The following PATZ1 variants were observed in gnomAD, a reference collection of about 807,000 sequenced individuals.
PATZ1 encodes POZ/BTB and AT hook containing zinc finger 1, also known as POZ-, AT hook-, and zinc finger-containing protein 1.
In PATZ1, 9 loss-of-function variants were observed where a neutral mutation model predicts 46.2. That is an observed-to-expected ratio of 0.19 (90% CI 0.12 to 0.34). PATZ1 has a LOEUF of 0.34. Ranked by LOEUF, PATZ1 falls within the 10% of genes least tolerant of loss-of-function variation. PATZ1 has a pLI of 1.00. For missense variants in PATZ1, 632 were observed against 923.0 expected (o/e 0.68, Z 4.08); for synonymous variants, 426 against 378.6 (o/e 1.13, Z -1.45).
rs1464629498 is a variant in PATZ1, at chr22:31,328,701, G to A, written c.1645+86C>T. The A allele has an allele frequency of 3.9e-6, 5 of 1,284,376 alleles. No individual in the cohort carries two copies. The highest frequency in any genetic ancestry group is 5.6e-6 in the Non-Finnish European group (5 of 887,598). 79.6% of individuals were successfully genotyped at this position (1,284,376 alleles called of 1,614,324 possible). A position where few individuals can be genotyped will look rare whatever the true frequency, so the allele number is the denominator to read the frequency against. ...CCTCAAGGCAGCCAGAAAGCCGGCA[G>A]CCTTCCCGCCTCCCCACGCCCAGCC... On this transcript the variant is annotated intron_variant, in intron 4 of 4. Transcript: ENST00000266269. The surrounding 1 kb of genome is among the most constrained non-coding windows in gnomAD (Gnocchi z 4.8).
At chr22:31,334,546 CA>C (rs1258086134) in intron 3 of PATZ1, among the ~76,000 whole-genome samples, 1 of 152,166 alleles carries the variant, frequency 6.6e-6, no homozygotes. Flanking sequence ...GTGCCTGGTC[CA>C]ACCCAGAGTG....
intron 2 of PATZ1, among the ~76,000 whole-genome samples, chr22:31,336,415 A>G (rs1046067083): frequency 1.3e-5 from 2 of 152,168 alleles, no homozygotes; most frequent in African/African-American, 4.8e-5. Context: ...TATTCGTAAT[A>G]TTTTCACGAG....
At chr22:31,341,805 C>A in intron 2 of PATZ1, 1 of 803,144 alleles carries the variant, frequency 1.2e-6, no homozygotes, top group East Asian at 2.6e-5. Context: ...AGAATGTGCT[C>A]TGTGATGAGA....
At chr22:31,335,066 C>T (rs1287210143) in intron 3 of PATZ1, among the ~76,000 whole-genome samples, 1 of 152,192 alleles carries the variant, frequency 6.6e-6, no homozygotes, top group Admixed American at 6.5e-5. Context: ...CTTGACTTCA[C>T]CCAACACAAC....
At chr22:31,342,445 G>A (rs1334417730) in intron 2 of PATZ1, among the ~76,000 whole-genome samples, 1 of 152,122 alleles carries the variant, frequency 6.6e-6, no homozygotes, top group East Asian at 1.9e-4. Context: ...CCCAGGAGGA[G>A]CTCTAACTGA....
Position 31,327,054 on chromosome 22 carries a change from C to A in PATZ1, c.1901G>T (p.Gly634Val), listed in dbSNP as rs746577638. 6.2e-6 allele frequency: 10 copies of A among 1,614,128 alleles called. No homozygotes were observed. The highest frequency in any genetic ancestry group is 3.3e-5 in the South Asian group (3 of 91,086). The part of the protein sequence containing the change: ...IQKVHVRALG[G>V]PLGDLGPALG... ...GGCAGGGCCCAGGTCCCCCAGGGGG[C>A]CCCCGAGAGCCCGGACATGCACCTT... Residue 634 changes from glycine (G) to valine (V), a missense_variant, in exon 5 of 5, where the codon GGC (glycine) becomes GTC (valine). By Grantham distance (109) the Gly-to-Val change is moderately radical. This residue lies in a region of PATZ1 where 176 missense variants were observed against 249.4 expected (regional missense o/e 0.71). Transcript: ENST00000266269. The surrounding 1 kb of genome is among the most constrained non-coding windows in gnomAD (Gnocchi z 4.2).
In PATZ1 at chr22:31,345,372, G is replaced by A. The variant is rs200831202; in HGVS notation, c.231C>T (p.Gly77=). Residue 77 remains glycine (G), a synonymous_variant, in exon 1 of 5, where the codon GGC becomes GGT. Coordinates refer to ENST00000266269, the MANE Select transcript of PATZ1 (RefSeq NM_014323.3). The surrounding 1 kb of genome is among the most constrained non-coding windows in gnomAD (Gnocchi z 7.4). ...CAGCCGGACCCCCGTCCGCAGCTCC[G>A]CCGTCGCCCAACTGGGCGCTGAACA... The part of the protein sequence containing the change: ...ESVFSAQLGD[G]GAADGGPADV... 8.3e-5 allele frequency: 133 copies of A among 1,606,928 alleles called. No individual in the cohort carries two copies. In the African/African-American group the frequency reaches 1.6e-3, roughly 20 times the overall value.
intron 3 of PATZ1, among the ~76,000 whole-genome samples, chr22:31,329,374 C>G (rs953970165): frequency 6.6e-6 from 1 of 152,152 alleles, no homozygotes; most frequent in African/African-American, 2.4e-5. Context: ...GCTTAATCCT[C>G]GTAAAAGGAA....
chr22:31,336,760 C>T lies in PATZ1; in HGVS notation c.1336-897G>A, dbSNP rs1569026112. ...GGTAGAGGTTGCAGTGAGCCAAGAT[C>T]GTGTCACTGCACTCCAGCCTGGGCA... On this transcript the variant is annotated intron_variant, in intron 2 of 4. Transcript: ENST00000266269. Among the ~76,000 whole-genome samples, 4 of 138,468 alleles carry T rather than the reference C, an allele frequency of 2.9e-5. No homozygotes were observed. The South Asian group carries it at 9.3e-4, about 32-fold the overall frequency. 90.8% of individuals were successfully genotyped at this position (138,468 alleles called of 152,430 possible). A position where few individuals can be genotyped will look rare whatever the true frequency, so the allele number is the denominator to read the frequency against.
Position 31,345,889 on chromosome 22 carries a change from G to C in PATZ1, c.-287C>G, listed in dbSNP as rs1050816456. 10 of 366,052 alleles carry C rather than the reference G, an allele frequency of 2.7e-5. No homozygotes were observed. The highest frequency in any genetic ancestry group is 2.0e-4 in the East Asian group (5 of 24,664). The allele number at this position is 366,052 out of a possible 1,614,324, so 22.7% of individuals were successfully genotyped here. ...CCTCCCCTTCCCGGTCTACCTTCCG[G>C]GGGGGTGCGCGAGCGAAGAGGTGCG... On this transcript the variant is annotated 5_prime_UTR_variant, in exon 1 of 5. Transcript: ENST00000266269. The surrounding 1 kb of genome is among the most constrained non-coding windows in gnomAD (Gnocchi z 7.4).
chr22:31,339,443 C>T (rs1407436802), intron 2 of PATZ1, among the ~76,000 whole-genome samples: 2 of 152,170 alleles, frequency 1.3e-5, no homozygotes, highest in East Asian at 3.9e-4. Flanking sequence ...GTTCAGACAA[C>T]ACAGAACATG....
intron 2 of PATZ1, among the ~76,000 whole-genome samples, chr22:31,340,087 C>T (rs754484872): frequency 6.6e-6 from 1 of 152,176 alleles, no homozygotes; most frequent in Admixed American, 6.5e-5. Flanking sequence ...CTGAGCTGCT[C>T]CAGCCTCTCA....
chr22:31,345,331 G>T lies in PATZ1; in HGVS notation c.272C>A (p.Thr91Lys), dbSNP rs746295130. Residue 91 changes from threonine to lysine, a missense_variant, in exon 1 of 5, where the codon ACG becomes AAG. Physicochemically the swap from Thr to Lys is moderately conservative, Grantham distance 78. Around this residue, in one of 7 missense-constraint regions of PATZ1, gnomAD observed 62 missense variants for 67.9 expected, o/e 0.91. Coordinates refer to ENST00000266269, the MANE Select transcript of PATZ1 (RefSeq NM_014323.3). This position sits in a 1 kb window ranked among gnomAD's most constrained non-coding sequence, Gnocchi z 7.4. ...CCCGGCCCCGCCGCCTGGTGCTGCC[G>T]TCGCGCCCCCTACATCAGCCGGACC... ...DGGPADVGGA[T>K]AAPGGGAGGS... 1 of 1,609,574 alleles carries T rather than the reference G, an allele frequency of 6.2e-7. No homozygotes were observed. The highest frequency in any genetic ancestry group is 1.7e-5 in the Admixed American group (1 of 59,764).
In PATZ1 at chr22:31,346,010, A is replaced by AG. The variant is rs1160483404; in HGVS notation, c.-409dup. On this transcript the variant is annotated 5_prime_UTR_variant, in exon 1 of 5. Transcript: ENST00000266269. ...GCACGCGCACGCGGGGAGGAGAAGGAGGGGTCCGCCGCGCAGGCGCGCGCG... is the reference window on the plus strand; with the variant it reads ...GCACGCGCACGCGGGGAGGAGAAGGAGGGGGTCCGCCGCGCAGGCGCGCGCG... The AG allele has an allele frequency of 2.7e-5, 5 of 186,512 alleles. No individual in the cohort carries two copies. Among genetic ancestry groups the AG allele is most frequent in the African/African-American group, 9.4e-5 (4 of 42,370 alleles). The allele number at this position is 186,512 out of a possible 1,614,324, so 11.6% of individuals were successfully genotyped here.
intron 3 of PATZ1, among the ~76,000 whole-genome samples, chr22:31,331,552 A>G (rs991321100): frequency 4.6e-5 from 7 of 152,064 alleles, no homozygotes; most frequent in Non-Finnish European, 8.8e-5. Flanking sequence ...CATGTTAGCC[A>G]GGATGGTCTC....
chr22:31,343,485 G>T, intron 1 of PATZ1: 2 of 977,068 alleles, frequency 2.0e-6, no homozygotes, highest in Non-Finnish European at 2.4e-6. Context: ...GCCTGAGCAG[G>T]TGGGCAGGGG....
At position 31,327,850 on chromosome 22, in the gene PATZ1, A is replaced by G. The variant is rs769727039; in HGVS notation, c.1646-541T>C. 1.6e-4 allele frequency among the ~76,000 whole-genome samples: 24 copies of G among 152,200 alleles called. 1 individual carries two copies. Among genetic ancestry groups the G allele is most frequent in the African/African-American group, 2.4e-5 (1 of 41,456 alleles). ...CAATCCTTTTCCTAATGCTGCAAAC[A>G]TAGCCCTGTCCTTACCGCCTTCCTT... On this transcript the variant is annotated intron_variant, in intron 4 of 4. Transcript: ENST00000266269. This position sits in a 1 kb window ranked among gnomAD's most constrained non-coding sequence, Gnocchi z 4.2.
At chr22:31,341,471 T>C (rs145172231) in intron 2 of PATZ1, 127 of 1,609,776 alleles carry the variant, frequency 7.9e-5, no homozygotes, top group Non-Finnish European at 1.0e-4. Context: ...GCCTCAGATA[T>C]CCCGGCGGGG....
At chr22:31,343,082 A>G (rs909720859) in intron 1 of PATZ1, 122 bp from the exon 2 acceptor site, 2 of 1,489,486 alleles carry the variant, frequency 1.3e-6, no homozygotes, top group Non-Finnish European at 1.8e-6. Context: ...CCCTCTCCCC[A>G]ACCCCAGCAT....
Sources: allele counts gnomAD v4.1 joint callset (sites outside exome capture counted in the v4.1 genomes callset), GRCh38; gene constraint gnomAD v4.1.1; regional missense constraint gnomAD v4.1.1; non-coding constraint Gnocchi (gnomAD v3.1); transcripts MANE v1.5; gene names NCBI Gene and HGNC (gene_info 2026-07-23, HGNC 2026-07-21).